HSPA4L: variants seen among roughly 807,000 people sequenced by gnomAD.
HSPA4L encodes the protein heat shock protein family A (Hsp70) member 4 like.
A neutral mutation model predicts 100.3 loss-of-function variants in HSPA4L; 48 were observed. That is an observed-to-expected ratio of 0.48 (90% CI 0.38 to 0.61). The LOEUF (loss-of-function observed/expected upper bound fraction) is 0.61. Among genes scored for constraint, HSPA4L ranks in the 20% least tolerant of loss-of-function variants. The pLI is 0.00. For missense variants in HSPA4L, 886 were observed against 988.6 expected (o/e 0.90, Z 1.39); for synonymous variants, 319 against 328.2 (o/e 0.97, Z 0.30).
In HSPA4L at chr4:127,830,755, C is replaced by G. The variant is rs1222445085; in HGVS notation, c.2284C>G (p.Gln762Glu). ...TGCACAGAACAAACTAAGTCTCACT[C>G]AAGATCCTGTGGTAAAAGTTTCAGA... ...MNAQNKLSLT[Q>E]DPVVKVSEIV... Residue 762 changes from glutamine to glutamate, a missense_variant, in exon 18 of 19, where the codon CAA (glutamine) becomes GAA (glutamate). By Grantham distance (29) the Gln-to-Glu change is conservative (BLOSUM62 2). Coordinates refer to ENST00000296464, the MANE Select transcript of HSPA4L (RefSeq NM_014278.4). The G allele has an allele frequency of 1.4e-5, 23 of 1,600,684 alleles. No individual in the cohort carries two copies. The highest frequency in any genetic ancestry group is 2.0e-5 in the Non-Finnish European group (23 of 1,175,020).
rs1733453729 is a variant in HSPA4L, at chr4:127,809,091, G to C, written c.1378+962G>C. 5.1e-6 allele frequency: 3 copies of C among 590,296 alleles called. No homozygotes were observed. The East Asian group carries it at 8.4e-5, about 16-fold the overall frequency. 36.6% of individuals were successfully genotyped at this position (590,296 alleles called of 1,614,324 possible). A position where few individuals can be genotyped will look rare whatever the true frequency, so the allele number is the denominator to read the frequency against. On this transcript the variant is annotated intron_variant, in intron 11 of 18. Coordinates refer to ENST00000296464, the MANE Select transcript of HSPA4L (RefSeq NM_014278.4). ...GTGAGGGCGATTGGAAGGTGAGGCG[G>C]TCCCGGAGTTCTTGCATCCCAGGTG...
rs749781458 is a variant in HSPA4L, at chr4:127,805,769, A to C, written c.1220A>C (p.Lys407Thr). 1.2e-6 allele frequency: 2 copies of C among 1,609,662 alleles called. No homozygotes were observed. The highest frequency in any genetic ancestry group is 8.5e-7 in the Non-Finnish European group (1 of 1,176,956). ...LVPYSITLRW[K>T]TSFEDGSGEC... ...CCCTATTCAATCACATTAAGGTGGA[A>C]GACCTCTTTTGAAGATGGAAGTGGG... The change falls in exon 10 of 19, where the codon AAG becomes ACG. Residue 407 changes from lysine to threonine, a missense_variant. By Grantham distance (78) the Lys-to-Thr change is moderately conservative. Coordinates refer to ENST00000296464, the MANE Select transcript of HSPA4L (RefSeq NM_014278.4).
intron 4 of HSPA4L, among the ~76,000 whole-genome samples, chr4:127,799,395 A>T (rs1404193270): frequency 1.3e-5 from 2 of 152,150 alleles, no homozygotes; most frequent in South Asian, 2.1e-4. Context: ...ACCATTGACC[A>T]GGTACTATTT....
chr4:127,809,576 A>G (rs1157283674), intron 11 of HSPA4L: 3 of 677,062 alleles, frequency 4.4e-6, no homozygotes, highest in African/African-American at 1.8e-5. Context: ...ATTTTGGTGA[A>G]CTTTGATATT....
intron 13 of HSPA4L, among the ~76,000 whole-genome samples, chr4:127,819,775 G>A (rs145080425): frequency 5.9e-5 from 9 of 152,234 alleles, no homozygotes; most frequent in Admixed American, 4.6e-4. Flanking sequence ...TGTTTTCAAG[G>A]TTCATCCAGG....
chr4:127,800,990 TAAAAA>T (rs1560656398), intron 4 of HSPA4L, 143 bp from the exon 5 acceptor site: 3 of 549,120 alleles, frequency 5.5e-6, no homozygotes, highest in South Asian at 5.8e-5. Context: ...TTGTCAAACT[TAAAAA>T]ATAAAACACT....
intron 1 of HSPA4L, among the ~76,000 whole-genome samples, chr4:127,792,078 C>G (rs1732892955): frequency 6.6e-6 from 1 of 152,136 alleles, no homozygotes; most frequent in Non-Finnish European, 1.5e-5. Context: ...TTTGTTCAGC[C>G]CTTGGAAAGC....
chr4:127,824,792 A>G (rs898423079), intron 16 of HSPA4L, among the ~76,000 whole-genome samples: 4 of 152,230 alleles, frequency 2.6e-5, no homozygotes, highest in Non-Finnish European at 5.9e-5. Flanking sequence ...TTTTAGGGAA[A>G]GACCTTCCAT....
intron 11 of HSPA4L, chr4:127,809,593 T>G (rs1365581819): frequency 2.8e-5 from 18 of 634,140 alleles, no homozygotes; most frequent in Non-Finnish European, 5.2e-5. Flanking sequence ...TATTTTTTGT[T>G]TGTTAAAGGA....
chr4:127,822,278 G>GTGTC (rs1733834048), intron 14 of HSPA4L, among the ~76,000 whole-genome samples: 1 of 152,100 alleles, frequency 6.6e-6, no homozygotes, highest in Admixed American at 6.6e-5. Flanking sequence ...TTGTCCTTTT[G>GTGTC]TGTCTGGCTT....
rs1733973732 is a variant in HSPA4L at position 127,827,373 on chromosome 4, G to C, written c.2115G>C (p.Leu705Phe). 6.2e-7 allele frequency: 1 copy of C among 1,613,448 alleles called. No individual in the cohort carries two copies. The highest frequency in any genetic ancestry group is 1.1e-5 in the South Asian group (1 of 91,060). The change falls in exon 17 of 19, where the codon TTG becomes TTC. Residue 705 changes from leucine (L) to phenylalanine (F), a missense_variant. Coordinates refer to ENST00000296464, the MANE Select transcript of HSPA4L (RefSeq NM_014278.4). ...HEERPKALND[L>F]GKKIQLVMKV... ...AGAGACCAAAAGCCTTAAATGACTT[G>C]GGAAAAAAGATCCAACTTGTCATGA...
intron 1 of HSPA4L, among the ~76,000 whole-genome samples, chr4:127,784,755 A>C (rs578151234): frequency 6.6e-6 from 1 of 152,382 alleles, no homozygotes; most frequent in South Asian, 2.1e-4. Context: ...TCCGGGCCTC[A>C]GGACATTTAT....
At chr4:127,795,727 T>G in intron 2 of HSPA4L, 41 bp from the exon 3 acceptor site, 1 of 1,601,916 alleles carries the variant, frequency 6.2e-7, no homozygotes, top group Non-Finnish European at 8.5e-7. Flanking sequence ...TATTTTGCAT[T>G]TATTAGGTAA....
At position 127,840,063 on chromosome 4, in the gene HSPA4L, T is replaced by C. The variant is rs1011516394; in HGVS notation, c.*7189T>C. On this transcript the variant is annotated 3_prime_UTR_variant, in exon 19 of 19. Coordinates refer to ENST00000296464, the MANE Select transcript of HSPA4L (RefSeq NM_014278.4). Reference sequence around the variant, plus strand: ...GAAACCCCATCTCTACTAAAAAAAATACAAAAATTAGCGGGGCCATGGTGA... The same window carrying C: ...GAAACCCCATCTCTACTAAAAAAAACACAAAAATTAGCGGGGCCATGGTGA... 2.0e-5 allele frequency: 3 copies of C among 151,658 alleles called. No homozygotes were observed. The highest frequency in any genetic ancestry group is 7.3e-5 in the African/African-American group (3 of 41,252). The allele number at this position is 151,658 out of a possible 1,614,324, so 9.4% of individuals were successfully genotyped here. A position where few individuals can be genotyped will look rare whatever the true frequency, so the allele number is the denominator to read the frequency against.
At chr4:127,827,499 T>C in intron 17 of HSPA4L, 75 bp downstream of exon 17, 2 of 1,533,066 alleles carry the variant, frequency 1.3e-6, no homozygotes, top group Non-Finnish European at 1.8e-6. Flanking sequence ...CTAAAAGTTC[T>C]CAGCTACAAA....
rs947845984 is a variant in HSPA4L at position 127,838,921 on chromosome 4, A to G, written c.*6047A>G. On this transcript the variant is annotated 3_prime_UTR_variant, in exon 19 of 19. Coordinates refer to ENST00000296464, the MANE Select transcript of HSPA4L (RefSeq NM_014278.4). ...CCCGTTAAGGGTTTTTTGGCTATAA[A>G]TTCGTACTTGATAAGCTATGTTATT... The G allele has an allele frequency of 2.0e-5, 3 of 152,078 alleles. No individual in the cohort carries two copies. The highest frequency in any genetic ancestry group is 2.1e-4 in the South Asian group (1 of 4,832). 9.4% of individuals were successfully genotyped at this position (152,078 alleles called of 1,614,324 possible).
intron 6 of HSPA4L, among the ~76,000 whole-genome samples, chr4:127,802,950 T>C (rs1309877109): frequency 6.6e-6 from 1 of 152,156 alleles, no homozygotes; most frequent in Non-Finnish European, 1.5e-5. Flanking sequence ...TATTAGTGAC[T>C]GTTGTAAGTA....
intron 3 of HSPA4L, among the ~76,000 whole-genome samples, chr4:127,798,174 C>A (rs1190623617): frequency 4.6e-5 from 7 of 152,092 alleles, no homozygotes; most frequent in African/African-American, 1.7e-4. Context: ...TTCTCATTTC[C>A]TTTTCCAAAA....
At position 127,818,397 on chromosome 4, in the gene HSPA4L, G is replaced by A; in HGVS notation, c.1651G>A (p.Asp551Asn). ...HAEHTPEEEI[D>N]HTGAKTKSAV... is the part of the protein sequence containing the mutation. ...TGAACACACTCCAGAAGAGGAAATT[G>A]ATCATACAGGAGCCAAAACAAAGGT... The change falls in exon 13 of 19, where the codon GAT becomes AAT. Residue 551 changes from aspartate (D) to asparagine (N), a missense_variant. Physicochemically the swap from Asp to Asn is conservative, Grantham distance 23 (BLOSUM62 1). Transcript: ENST00000296464. 1 of 1,606,706 alleles carries A rather than the reference G, an allele frequency of 6.2e-7. No homozygotes were observed. The highest frequency in any genetic ancestry group is 8.5e-7 in the Non-Finnish European group (1 of 1,175,672).
Sources: allele counts gnomAD v4.1 joint callset (sites outside exome capture counted in the v4.1 genomes callset), GRCh38; gene constraint gnomAD v4.1.1; transcripts MANE v1.5; gene names NCBI Gene and HGNC (gene_info 2026-07-23, HGNC 2026-07-21).